Variants in PRKD1 observed in about 807,000 individuals in gnomAD.
PRKD1 encodes serine/threonine-protein kinase D1.
PRKD1 carries 63 observed loss-of-function variants against 95.9 expected under a neutral mutation model. The ratio of observed to expected loss-of-function variants is 0.66; its 90% CI spans 0.54 to 0.81. PRKD1 has a LOEUF of 0.81. Among genes scored for constraint, PRKD1 ranks in the 30% least tolerant of loss-of-function variants. The probability of loss-of-function intolerance (pLI) is 0.00; values close to 1 mark genes in which losing one functional copy is unlikely to be tolerated. For missense variants in PRKD1, 1,048 were observed against 1,165.3 expected, an observed-to-expected ratio of 0.90 and a Z score of 1.47; for synonymous variants, 425 against 423.1, an observed-to-expected ratio of 1.00 and a Z score of -0.05.
rs1566533421 is a variant in PRKD1, at chr14:29,677,518, A to G, written c.404-11310T>C. ...ATTTTGTGGTGTTAACTCCATTTGC[A>G]AAGAACTTCCTACAGAATGTTAAAT... On this transcript the variant is annotated intron_variant, in intron 2 of 17. Transcript: ENST00000331968. 2.0e-5 allele frequency among the ~76,000 whole-genome samples: 3 copies of G among 152,200 alleles called. No homozygotes were observed. The South Asian group carries it at 6.2e-4, about 31-fold the overall frequency.
intron 1 of PRKD1, among the ~76,000 whole-genome samples, chr14:29,823,617 C>G (rs545626491): frequency 1.3e-4 from 20 of 152,232 alleles, no homozygotes; most frequent in Admixed American, 1.2e-3. Flanking sequence ...GCACTGTCCT[C>G]ATTATACAAC....
At position 29,826,792 on chromosome 14, in the gene PRKD1, CAT is replaced by C. The variant is rs1461222050; in HGVS notation, c.264+100455_264+100456del. Among the ~76,000 whole-genome samples the C allele has an allele frequency of 1.8e-4, 6 of 32,736 alleles. 3 individuals are homozygous for C. Among genetic ancestry groups the C allele is most frequent in the Non-Finnish European group, 2.6e-4 (4 of 15,326 alleles). 21.5% of individuals were successfully genotyped at this position (32,736 alleles called of 152,430 possible). On this transcript the variant is annotated intron_variant, in intron 1 of 17. Coordinates refer to ENST00000331968, the MANE Select transcript of PRKD1 (RefSeq NM_002742.3). The stretch of plus-strand genomic sequence containing the variant: ...ATACACATATATATACATATATACA[CAT>C]ATATATACACATATATATACACATA...
chr14:29,828,699 T>A (rs1406589941), intron 1 of PRKD1, among the ~76,000 whole-genome samples: 2 of 152,156 alleles, frequency 1.3e-5, no homozygotes, highest in Non-Finnish European at 2.9e-5. Flanking sequence ...ATAAGCTTCA[T>A]CACATAAATC....
chr14:29,640,413 G>A (rs923944992), intron 4 of PRKD1, among the ~76,000 whole-genome samples: 1 of 152,114 alleles, frequency 6.6e-6, no homozygotes, highest in African/African-American at 2.4e-5. Context: ...AGATTCACTA[G>A]CTACAGTAAA....
intron 1 of PRKD1, among the ~76,000 whole-genome samples, chr14:29,821,717 A>G (rs1022325976): frequency 1.3e-5 from 2 of 152,248 alleles, no homozygotes; most frequent in African/African-American, 4.8e-5. Flanking sequence ...TTTAAAAATT[A>G]CTGATGGGCA....
intron 2 of PRKD1, among the ~76,000 whole-genome samples, chr14:29,696,979 G>A (rs1884554340): frequency 6.6e-6 from 1 of 151,956 alleles, no homozygotes; most frequent in African/African-American, 2.4e-5. Flanking sequence ...CCGTGCTTGA[G>A]CGCCATTTTC....
intron 1 of PRKD1, among the ~76,000 whole-genome samples, chr14:29,770,417 A>G (rs1010641405): frequency 1.3e-5 from 2 of 152,220 alleles, no homozygotes; most frequent in Non-Finnish European, 2.9e-5. Context: ...GCTCAGAAGA[A>G]GAGAGCTGCA....
chr14:29,581,470 G>A (rs1892752807), intron 16 of PRKD1, among the ~76,000 whole-genome samples: 1 of 152,096 alleles, frequency 6.6e-6, no homozygotes. Context: ...AGGAAAACGT[G>A]ACGCTTCAAA....
chr14:29,695,589 A>G (rs1014117172), intron 2 of PRKD1, among the ~76,000 whole-genome samples: 1 of 152,242 alleles, frequency 6.6e-6, no homozygotes, highest in African/African-American at 2.4e-5. Context: ...TGAGATGGGA[A>G]GAGCCTAAGA....
chr14:29,772,932 T>C (rs1888575383), intron 1 of PRKD1, among the ~76,000 whole-genome samples: 1 of 152,230 alleles, frequency 6.6e-6, no homozygotes, highest in Non-Finnish European at 1.5e-5. Flanking sequence ...ATACATTCTT[T>C]ATCTTCACTT....
At chr14:29,862,925 TA>T (rs1439895638) in intron 1 of PRKD1, among the ~76,000 whole-genome samples, 2 of 152,182 alleles carry the variant, frequency 1.3e-5, no homozygotes, top group Admixed American at 1.3e-4. Context: ...TATTACTCAA[TA>T]AATCTTTGCC....
chr14:29,616,279 A>T (rs1192408945), intron 13 of PRKD1, among the ~76,000 whole-genome samples: 1 of 139,634 alleles, frequency 7.2e-6, no homozygotes, highest in Non-Finnish European at 1.5e-5. Flanking sequence ...ATGTATTGCC[A>T]TGTATTTTCT....
At chr14:29,609,455 G>T in intron 13 of PRKD1, among the ~76,000 whole-genome samples, 1 of 148,878 alleles carries the variant, frequency 6.7e-6, no homozygotes. Flanking sequence ...TTCAATGTTT[G>T]CATAGCAAAA....
At chr14:29,822,645 C>T (rs1475238154) in intron 1 of PRKD1, among the ~76,000 whole-genome samples, 1 of 152,072 alleles carries the variant, frequency 6.6e-6, no homozygotes, top group Non-Finnish European at 1.5e-5. Context: ...TAATGTTCTG[C>T]CCTTTACTTT....
intron 4 of PRKD1, among the ~76,000 whole-genome samples, chr14:29,641,903 T>C (rs981518017): frequency 6.6e-5 from 9 of 137,338 alleles, no homozygotes; most frequent in African/African-American, 1.3e-4. Context: ...TATTTCTTTT[T>C]TTTTTTTTTT....
chr14:29,700,148 T>C (rs1366680298), intron 2 of PRKD1, among the ~76,000 whole-genome samples: 1 of 152,052 alleles, frequency 6.6e-6, no homozygotes, highest in Non-Finnish European at 1.5e-5. Context: ...TTTGTCATTA[T>C]ACCCCTACAA....
intron 1 of PRKD1, among the ~76,000 whole-genome samples, chr14:29,833,666 A>T (rs1160583662): frequency 6.6e-6 from 1 of 152,084 alleles, no homozygotes; most frequent in Non-Finnish European, 1.5e-5. Context: ...ACATTTCAGT[A>T]TAAGAATATT....
chr14:29,749,007 G>A (rs1305820367), intron 1 of PRKD1, among the ~76,000 whole-genome samples: 2 of 152,060 alleles, frequency 1.3e-5, no homozygotes, highest in South Asian at 2.1e-4. Context: ...TAAAAGACTT[G>A]AAATAAAAAA....
intron 1 of PRKD1, among the ~76,000 whole-genome samples, chr14:29,805,819 G>C (rs1379781596): frequency 6.6e-6 from 1 of 152,230 alleles, no homozygotes; most frequent in Non-Finnish European, 1.5e-5. Flanking sequence ...ATTATCAACA[G>C]AAAGTGTGAG....
Sources: allele counts gnomAD v4.1 joint callset (sites outside exome capture counted in the v4.1 genomes callset), GRCh38; gene constraint gnomAD v4.1.1; transcripts MANE v1.5; gene names NCBI Gene and HGNC (gene_info 2026-07-23, HGNC 2026-07-21).